Variants in AZIN2 observed in about 807,000 individuals in gnomAD.
The protein encoded by AZIN2 is ODC antizyme inhibitor-2.
In AZIN2, 28 loss-of-function variants were observed where a neutral mutation model predicts 47.8. The observed-to-expected ratio is 0.59, with a 90% CI of 0.43 to 0.80. The LOEUF is 0.80. Ranked by LOEUF, AZIN2 falls within the 30% of genes least tolerant of loss-of-function variation. AZIN2 has a pLI of 0.00. For missense variants in AZIN2, 535 were observed against 582.5 expected (o/e 0.92, Z 0.84); for synonymous variants, 221 against 239.4 (o/e 0.92, Z 0.71).
chr1:33,139,907 G>C, the AZIN2 span, among the ~76,000 whole-genome samples: 7 of 152,272 alleles, frequency 4.6e-5, no homozygotes, highest in South Asian at 1.4e-3. Flanking sequence ...TCTGCTGCTT[G>C]TCAGGGTTTC....
intron 4 of AZIN2, chr1:33,083,497 T>A (rs1332025245): frequency 4.1e-6 from 1 of 241,040 alleles, no homozygotes; most frequent in Non-Finnish European, 8.3e-6. Context: ...CTTTAGGGAG[T>A]TTACCCTTTT....
the AZIN2 span, among the ~76,000 whole-genome samples, chr1:33,144,635 G>C: frequency 6.6e-6 from 1 of 152,220 alleles, no homozygotes; most frequent in Non-Finnish European, 1.5e-5. Flanking sequence ...TTCTTTAAAA[G>C]CTTGATATTT....
the AZIN2 span, among the ~76,000 whole-genome samples, chr1:33,153,441 C>T: frequency 1.3e-5 from 2 of 152,320 alleles, no homozygotes; most frequent in East Asian, 3.9e-4. Context: ...CTGGCAAAGT[C>T]CAGAGACATT....
At chr1:33,140,410 A>G in the AZIN2 span, among the ~76,000 whole-genome samples, 2 of 152,008 alleles carry the variant, frequency 1.3e-5, no homozygotes, top group African/African-American at 4.8e-5. This position sits in a 1 kb window ranked among gnomAD's most constrained non-coding sequence, Gnocchi z 4.0. Flanking sequence ...GGGCCCCAGG[A>G]CCTCGCTTCT....
downstream of AZIN2, among the ~76,000 whole-genome samples, chr1:33,126,966 T>C (rs192013310): frequency 1.6e-4 from 25 of 152,362 alleles, no homozygotes; most frequent in Admixed American, 2.0e-4. Context: ...GGCAAGTCCC[T>C]GTACGCTGCA....
chr1:33,140,023 A>C, the AZIN2 span, among the ~76,000 whole-genome samples: 1 of 152,194 alleles, frequency 6.6e-6, no homozygotes. The surrounding 1 kb of genome is among the most constrained non-coding windows in gnomAD (Gnocchi z 4.0). Context: ...AACCTGAGGA[A>C]CACCGGAGGG....
chr1:33,096,885 G>A lies in AZIN2; in HGVS notation c.916+16G>A, dbSNP rs1643214020. On this transcript the variant is annotated intron_variant, in intron 9 of 11. Transcript: ENST00000294517. ...GGCAGGGAGGGTAGGTGCCAGGTGG[G>A]CAGTGGAGCCCTGTTCTCCCCTGAA... 6.2e-7 allele frequency: 1 copy of A among 1,614,046 alleles called. No homozygotes were observed. Among genetic ancestry groups the A allele is most frequent in the Non-Finnish European group, 8.5e-7 (1 of 1,179,970 alleles).
chr1:33,164,170 G>T, the AZIN2 span: 1 of 152,242 alleles, frequency 6.6e-6, no homozygotes, highest in African/African-American at 2.4e-5. Context: ...GCCCCCGAGG[G>T]TCCTGCCCAG....
At chr1:33,147,585 C>G in the AZIN2 span, 22 of 1,614,158 alleles carry the variant, frequency 1.4e-5, no homozygotes, top group African/African-American at 2.9e-4. This position sits in a 1 kb window ranked among gnomAD's most constrained non-coding sequence, Gnocchi z 8.1. Flanking sequence ...CAGAACCCAG[C>G]ACCGACACCT....
chr1:33,132,191 C>CT, the AZIN2 span, among the ~76,000 whole-genome samples: 1 of 152,230 alleles, frequency 6.6e-6, no homozygotes, highest in South Asian at 2.1e-4. Flanking sequence ...CTGCCTACTG[C>CT]TTTTTTCCCA....
chr1:33,096,881 G>A lies in AZIN2; in HGVS notation c.916+12G>A. 6.2e-7 allele frequency: 1 copy of A among 1,614,108 alleles called. No individual in the cohort carries two copies. Among genetic ancestry groups the A allele is most frequent in the Non-Finnish European group, 8.5e-7 (1 of 1,179,996 alleles). ...GCCTGGCAGGGAGGGTAGGTGCCAG[G>A]TGGGCAGTGGAGCCCTGTTCTCCCC... On this transcript the variant is annotated intron_variant, in intron 9 of 11. Transcript: ENST00000294517.
chr1:33,144,038 G>T, the AZIN2 span, among the ~76,000 whole-genome samples: 35 of 152,164 alleles, frequency 2.3e-4, no homozygotes, highest in Non-Finnish European at 4.4e-4. Flanking sequence ...ACAGAAGATA[G>T]TGTCTGATGG....
chr1:33,096,617 T>G (rs1643182854), intron 8 of AZIN2, 90 bp from the exon 9 acceptor site: 1 of 1,513,000 alleles, frequency 6.6e-7, no homozygotes, highest in African/African-American at 1.4e-5. Context: ...CAAAGCAGCT[T>G]TCAAGAAATA....
intron 10 of AZIN2, among the ~76,000 whole-genome samples, chr1:33,116,835 T>G (rs551225803): frequency 6.6e-6 from 1 of 151,906 alleles, no homozygotes; most frequent in South Asian, 2.1e-4. Context: ...TGGGGGAAAG[T>G]AGGAGGTATG....
At chr1:33,144,630 T>C in the AZIN2 span, among the ~76,000 whole-genome samples, 1 of 152,244 alleles carries the variant, frequency 6.6e-6, no homozygotes, top group Non-Finnish European at 1.5e-5. Flanking sequence ...TTTAATTCTT[T>C]AAAAGCTTGA....
intron 10 of AZIN2, among the ~76,000 whole-genome samples, chr1:33,099,238 C>G (rs1643461673): frequency 6.6e-6 from 1 of 152,108 alleles, no homozygotes; most frequent in African/African-American, 2.4e-5. Flanking sequence ...TGTGGCTCTT[C>G]CTGCCCCTTA....
At chr1:33,157,340 C>T in the AZIN2 span, among the ~76,000 whole-genome samples, 9 of 152,104 alleles carry the variant, frequency 5.9e-5, no homozygotes, top group African/African-American at 1.9e-4. Flanking sequence ...TTTGCACTTG[C>T]TGTCCCCATG....
At chr1:33,161,906 C>T in the AZIN2 span, among the ~76,000 whole-genome samples, 3 of 152,180 alleles carry the variant, frequency 2.0e-5, no homozygotes, top group Non-Finnish European at 2.9e-5. This position sits in a 1 kb window ranked among gnomAD's most constrained non-coding sequence, Gnocchi z 4.3. Flanking sequence ...TCCAGGTCAG[C>T]GCCTTCCATC....
At chr1:33,116,731 C>T (rs990622699) in intron 10 of AZIN2, among the ~76,000 whole-genome samples, 8 of 152,160 alleles carry the variant, frequency 5.3e-5, no homozygotes, top group Admixed American at 5.2e-4. Context: ...CTTGAGGGAG[C>T]ATGGAGCTTT....
Sources: gnomAD v4.1 joint callset for allele counts (sites outside exome capture counted in the v4.1 genomes callset) on GRCh38, gnomAD v4.1.1 for gene constraint, Gnocchi (gnomAD v3.1) non-coding constraint, MANE v1.5 for transcripts, NCBI Gene and HGNC (gene_info 2026-07-23, HGNC 2026-07-21) for gene names.